DNAH11: variants seen among roughly 807,000 people sequenced by gnomAD.
The protein encoded by DNAH11 is dynein axonemal heavy chain 11.
In DNAH11, 442 loss-of-function variants were observed where a neutral mutation model predicts 526.0. That is an observed-to-expected ratio of 0.84 (90% CI 0.78 to 0.91). The LOEUF is 0.91. DNAH11 is among the 40% of genes least tolerant of loss of function. DNAH11 has a pLI of 0.00. For missense variants in DNAH11, 6,989 were observed against 5,448.7 expected (o/e 1.28, Z -8.90); for synonymous variants, 2,461 against 1,935.9 (o/e 1.27, Z -7.12).
intron 51 of DNAH11, 60 bp from the exon 52 acceptor site, chr7:21,748,520 A>G: frequency 7.3e-7 from 1 of 1,371,532 alleles, no homozygotes; most frequent in Non-Finnish European, 9.5e-7. Flanking sequence ...AATAAACAGA[A>G]CAGACATAGT....
At chr7:21,737,502 G>T (rs1172353226) in intron 46 of DNAH11, among the ~76,000 whole-genome samples, 5 of 152,214 alleles carry the variant, frequency 3.3e-5, no homozygotes, top group Non-Finnish European at 7.3e-5. Flanking sequence ...AGGGAAGCAA[G>T]GAACTGACAA....
At chr7:21,670,457 G>A (rs1286879475) in intron 30 of DNAH11, among the ~76,000 whole-genome samples, 1 of 152,182 alleles carries the variant, frequency 6.6e-6, no homozygotes, top group East Asian at 1.9e-4. Context: ...GGCTTCCTGT[G>A]TACAGAAATA....
intron 75 of DNAH11, 24 bp downstream of exon 75, chr7:21,880,917 C>G (rs377023505): frequency 1.9e-6 from 3 of 1,573,162 alleles, no homozygotes; most frequent in African/African-American, 1.4e-5. Flanking sequence ...GTCAAATAAC[C>G]TCTTCCAAGG....
intron 30 of DNAH11, among the ~76,000 whole-genome samples, chr7:21,676,949 T>G (rs2965387): frequency 0.58 from 88,522 of 152,014 alleles, 26,542 homozygotes; most frequent in African/African-American, 0.72. Flanking sequence ...CTGTTCAGCA[T>G]ACACCCATTG....
Position 21,816,579 on chromosome 7 carries a change from A to T in DNAH11, c.10445A>T (p.Asn3482Ile). 1 of 1,613,588 alleles carries T rather than the reference A, an allele frequency of 6.2e-7. No individual in the cohort carries two copies. The highest frequency in any genetic ancestry group is 8.5e-7 in the Non-Finnish European group (1 of 1,179,784). ...GLPSDRMSTE[N>I]AAILTHCERW... Reference sequence around the variant, plus strand: ...CCCAGTGACAGAATGTCCACCGAAAATGCCGCTATCCTAACACACTGTGAG... The same window carrying T: ...CCCAGTGACAGAATGTCCACCGAAATTGCCGCTATCCTAACACACTGTGAG... The change falls in exon 64 of 82, where the codon AAT becomes ATT. Residue 3482 changes from asparagine to isoleucine, a missense_variant. By Grantham distance (149) the Asn-to-Ile change is moderately radical. Coordinates refer to ENST00000409508, the MANE Select transcript of DNAH11 (RefSeq NM_001277115.2).
At chr7:21,687,561 T>C (rs1446420245) in intron 34 of DNAH11, 34 bp downstream of exon 34, 2 of 1,602,412 alleles carry the variant, frequency 1.2e-6, no homozygotes, top group Non-Finnish European at 1.7e-6. Context: ...TTGTTACAAA[T>C]AGAAAAACAT....
intron 8 of DNAH11, among the ~76,000 whole-genome samples, chr7:21,580,555 A>C (rs1410576330): frequency 6.6e-6 from 1 of 152,232 alleles, no homozygotes; most frequent in Non-Finnish European, 1.5e-5. Flanking sequence ...TTTATTTTTC[A>C]GGGTTTCAGA....
intron 62 of DNAH11, among the ~76,000 whole-genome samples, chr7:21,804,177 C>T (rs996396785): frequency 1.3e-5 from 2 of 152,094 alleles, no homozygotes; most frequent in Admixed American, 6.5e-5. Flanking sequence ...GGCACCATCT[C>T]GGCTCACTGC....
At chr7:21,547,437 C>T (rs1196238390) in intron 2 of DNAH11, among the ~76,000 whole-genome samples, 2 of 152,186 alleles carry the variant, frequency 1.3e-5, no homozygotes, top group African/African-American at 2.4e-5. Context: ...CAGGCACACC[C>T]GGGGCAGTTA....
At chr7:21,798,031 G>A (rs1018482078) in intron 61 of DNAH11, among the ~76,000 whole-genome samples, 1 of 152,142 alleles carries the variant, frequency 6.6e-6, no homozygotes, top group Admixed American at 6.5e-5. Context: ...AAAATGTAAA[G>A]CTCACATAAA....
At chr7:21,801,745 T>C (rs1789005898) in intron 62 of DNAH11, among the ~76,000 whole-genome samples, 1 of 152,240 alleles carries the variant, frequency 6.6e-6, no homozygotes, top group South Asian at 2.1e-4. Context: ...TGTTGTCTGA[T>C]CCTTTTAATA....
At chr7:21,599,727 T>G in intron 14 of DNAH11, 60 bp from the exon 15 acceptor site, 1 of 1,252,082 alleles carries the variant, frequency 8.0e-7, no homozygotes. Flanking sequence ...AAACGGAGAG[T>G]TTTAGTTTTT....
chr7:21,690,148 G>A lies in DNAH11; in HGVS notation c.5925-617G>A, dbSNP rs150067030. Among the ~76,000 whole-genome samples the A allele has an allele frequency of 1.3e-4, 20 of 152,138 alleles. No individual in the cohort carries two copies. In the East Asian group the frequency reaches 2.7e-3, roughly 21 times the overall value. ...TTAAATCCTTGCAGAATCCAATAAG[G>A]TTGGTAATATGATTATTATTTTTAC... On this transcript the variant is annotated intron_variant, in intron 34 of 81. Transcript: ENST00000409508.
At chr7:21,637,735 A>C in intron 27 of DNAH11, 33 bp downstream of exon 27, 2 of 1,349,072 alleles carry the variant, frequency 1.5e-6, no homozygotes, top group Non-Finnish European at 2.0e-6. Flanking sequence ...TAATCAATTT[A>C]CTGTAATTTT....
intron 28 of DNAH11, among the ~76,000 whole-genome samples, chr7:21,646,763 G>C (rs1787370712): frequency 6.6e-6 from 1 of 152,140 alleles, no homozygotes; most frequent in Admixed American, 6.5e-5. Context: ...AATAGCCCTA[G>C]ATTAGACACT....
At chr7:21,735,594 T>G (rs1252290482) in intron 45 of DNAH11, 46 bp from the exon 46 acceptor site, 35 of 1,489,622 alleles carry the variant, frequency 2.3e-5, no homozygotes, top group South Asian at 7.5e-5. Context: ...TCGCACGCAC[T>G]CTCTCTCTCT....
In DNAH11 at chr7:21,577,527, T is replaced by C. The variant is rs545119723; in HGVS notation, c.1594-4378T>C. On this transcript the variant is annotated intron_variant, in intron 8 of 81. Coordinates refer to ENST00000409508, the MANE Select transcript of DNAH11 (RefSeq NM_001277115.2). ...ATGTTGGAGCAAACCTGATGGAGAG[T>C]CCAGACTATCACCCTGAGGCCAAGT... Among the ~76,000 whole-genome samples the C allele has an allele frequency of 2.6e-5, 4 of 151,796 alleles. No homozygotes were observed. In the South Asian group the frequency reaches 8.4e-4, roughly 32 times the overall value.
intron 61 of DNAH11, 47 bp from the exon 62 acceptor site, chr7:21,801,090 C>T (rs1199517857): frequency 3.2e-6 from 5 of 1,556,964 alleles, no homozygotes; most frequent in Non-Finnish European, 3.5e-6. Flanking sequence ...GGTAATCTCT[C>T]TGTTTTAACT....
intron 35 of DNAH11, among the ~76,000 whole-genome samples, chr7:21,692,706 C>G (rs755041185): frequency 1.3e-5 from 2 of 152,142 alleles, no homozygotes; most frequent in Non-Finnish European, 2.9e-5. Context: ...AATTGCTAGT[C>G]TACATGGCAA....
Sources: gnomAD v4.1 joint callset for allele counts (sites outside exome capture counted in the v4.1 genomes callset) on GRCh38, gnomAD v4.1.1 for gene constraint, MANE v1.5 for transcripts, NCBI Gene and HGNC (gene_info 2026-07-23, HGNC 2026-07-21) for gene names.